MAT2B: variants seen among roughly 807,000 people sequenced by gnomAD.
MAT2B encodes the protein methionine adenosyltransferase 2 non-catalytic beta subunit.
MAT2B carries 16 observed loss-of-function variants against 36.1 expected under a neutral mutation model. The ratio of observed to expected loss-of-function variants is 0.44; its 90% confidence interval spans 0.30 to 0.67. MAT2B has a LOEUF of 0.67. Ranked by LOEUF, MAT2B falls within the 30% of genes least tolerant of loss-of-function variation. The pLI is 0.09. For missense variants in MAT2B, 332 were observed against 398.2 expected (o/e 0.83, Z 1.42); for synonymous variants, 148 against 136.9 (o/e 1.08, Z -0.57).
intron 5 of MAT2B, 116 bp from the exon 6 acceptor site, chr5:163,517,445 A>G: frequency 1.8e-6 from 1 of 553,158 alleles, no homozygotes; most frequent in Non-Finnish European, 3.3e-6. Context: ...CCTTTCCAGA[A>G]AAAGAGGGTT....
chr5:163,504,594 C>A (rs979208154), upstream of MAT2B, among the ~76,000 whole-genome samples: 2 of 152,192 alleles, frequency 1.3e-5, no homozygotes, highest in African/African-American at 2.4e-5. Flanking sequence ...TTAGAGCTTG[C>A]TATCCTGGGC....
chr5:163,506,896 A>G lies in MAT2B; in HGVS notation c.63+1147A>G, dbSNP rs17601374. On this transcript the variant is annotated intron_variant, in intron 1 of 6. Transcript: ENST00000321757. ...AGCTTGGCACAGACTTACTGCTCTC[A>G]AAACCTGTAGAATTAAAGCTTACTG... Among the ~76,000 whole-genome samples the G allele has an allele frequency of 4.1e-3, 626 of 152,282 alleles. 2 individuals carry two copies. Among genetic ancestry groups the G allele is most frequent in the Non-Finnish European group, 6.5e-3 (443 of 68,002 alleles).
intron 5 of MAT2B, chr5:163,517,326 GC>G (rs1760148582): frequency 3.7e-6 from 1 of 271,410 alleles, no homozygotes; most frequent in Non-Finnish European, 6.9e-6. Flanking sequence ...TAAAATTGGA[GC>G]CTTTTTTTGA....
At chr5:163,508,891 A>C (rs1759991757) in intron 1 of MAT2B, among the ~76,000 whole-genome samples, 1 of 152,234 alleles carries the variant, frequency 6.6e-6, no homozygotes, top group Non-Finnish European at 1.5e-5. Context: ...ACTGCACAAC[A>C]TTTTATTTGA....
intron 4 of MAT2B, among the ~76,000 whole-genome samples, chr5:163,515,776 T>TA (rs1760122463): frequency 4.7e-5 from 2 of 42,568 alleles, no homozygotes; most frequent in African/African-American, 4.3e-4. Context: ...TTTTCTTTTT[T>TA]TTTTTTTTTT....
chr5:163,503,490 GAACGCCTGCTAA>G, upstream of MAT2B: 1 of 1,427,624 alleles, frequency 7.0e-7, no homozygotes, highest in African/African-American at 1.4e-5. Context: ...GCATTCCAGT[GAACGCCTGCTAA>G]AACCAGAATT....
Position 163,505,756 on chromosome 5 carries a change from G to T in MAT2B, c.63+7G>T. On this transcript the variant is annotated splice_region_variant and intron_variant, in intron 1 of 6. Coordinates refer to ENST00000321757, the MANE Select transcript of MAT2B (RefSeq NM_013283.5). ...GAGCTGTCGGCTGGTGGAGGTGAGG[G>T]AGTCGGCCTGGGCGTCTCCGGTGGG... The T allele has an allele frequency of 7.9e-7, 1 of 1,270,682 alleles. No homozygotes were observed. The highest frequency in any genetic ancestry group is 1.0e-6 in the Non-Finnish European group (1 of 1,001,336). 78.7% of individuals were successfully genotyped at this position (1,270,682 alleles called of 1,614,324 possible). A position where few individuals can be genotyped will look rare whatever the true frequency, so the allele number is the denominator to read the frequency against.
chr5:163,513,797 T>C (rs768569660), intron 3 of MAT2B, 45 bp from the exon 4 acceptor site: 6 of 1,564,442 alleles, frequency 3.8e-6, no homozygotes, highest in Non-Finnish European at 5.2e-6. Context: ...CATGAAAGAG[T>C]AATGTCATGT....
chr5:163,503,528 T>C (rs1025080107), upstream of MAT2B: 184 of 1,043,438 alleles, frequency 1.8e-4, no homozygotes, highest in Non-Finnish European at 1.7e-4. Context: ...GTAAAGAAAA[T>C]AGAAACGGGT....
intron 2 of MAT2B, chr5:163,512,530 G>T: frequency 2.6e-6 from 1 of 383,352 alleles, no homozygotes; most frequent in Non-Finnish European, 4.9e-6. Flanking sequence ...GGCTGAGGGA[G>T]CAGGCTCAGA....
chr5:163,512,086 C>G lies in MAT2B; in HGVS notation c.148C>G (p.Gln50Glu), dbSNP rs148822569. 8 of 1,614,006 alleles carry G rather than the reference C, an allele frequency of 5.0e-6. No individual in the cohort carries two copies. The African/African-American group carries it at 1.1e-4, about 22-fold the overall frequency. ...CAGAGCTGTACACAAAGAATTTCAG[C>G]AGAATAATTGGCATGCAGTTGGCTG... ...LGRAVHKEFQ[Q>E]NNWHAVGCGF... is the part of the protein sequence containing the mutation. Residue 50 changes from glutamine to glutamate, a missense_variant, in exon 2 of 7, where the codon CAG becomes GAG. Physicochemically the swap from Gln to Glu is conservative, Grantham distance 29. Transcript: ENST00000321757.
intron 4 of MAT2B, among the ~76,000 whole-genome samples, chr5:163,514,611 T>TG (rs973378377): frequency 8.8e-6 from 1 of 113,296 alleles, no homozygotes; most frequent in African/African-American, 4.5e-5. Context: ...TTTCACAACC[T>TG]GTTTTTTTTC....
chr5:163,513,768 G>T (rs1760087820), intron 3 of MAT2B, 74 bp from the exon 4 acceptor site: 1 of 1,523,988 alleles, frequency 6.6e-7, no homozygotes, highest in African/African-American at 1.4e-5. Flanking sequence ...TATATATCAT[G>T]AAAAACCATT....
In MAT2B at chr5:163,505,634, C is replaced by A; in HGVS notation, c.-53C>A. ...CGTCTGAGCTGAGGCCCGCGTCGAT[C>A]CTGGGTTGGAGGAGGTGGCGGCCGC... is the stretch of plus-strand genomic sequence containing the variant. On this transcript the variant is annotated 5_prime_UTR_variant, in exon 1 of 7. Transcript: ENST00000321757. 1 of 1,254,828 alleles carries A rather than the reference C, an allele frequency of 8.0e-7. No homozygotes were observed. The allele number at this position is 1,254,828 out of a possible 1,614,324, so 77.7% of individuals were successfully genotyped here.
intron 4 of MAT2B, 23 bp downstream of exon 4, chr5:163,514,017 CCT>C (rs2113558827): frequency 6.3e-7 from 1 of 1,578,618 alleles, no homozygotes; most frequent in East Asian, 2.3e-5. Flanking sequence ...CTATTTAGCC[CCT>C]GATTGTTTTT....
At chr5:163,517,246 A>T (rs1760147285) in intron 5 of MAT2B, 1 of 200,308 alleles carries the variant, frequency 5.0e-6, no homozygotes, top group Non-Finnish European at 1.0e-5. Flanking sequence ...TGGGATAATT[A>T]AAAATACTCA....
At chr5:163,507,925 A>G (rs11955903) in intron 1 of MAT2B, among the ~76,000 whole-genome samples, 10,773 of 152,324 alleles carry the variant, frequency 0.071, 1,251 homozygotes, top group African/African-American at 0.24. Context: ...TGTTAGAAAT[A>G]TAGAACTTTA....
upstream of MAT2B, chr5:163,503,250 G>C (rs1759876273): frequency 4.4e-6 from 3 of 682,532 alleles, no homozygotes; most frequent in Non-Finnish European, 7.9e-6. Context: ...GAATCAAAAT[G>C]CTAATTTAAA....
At position 163,516,682 on chromosome 5, in the gene MAT2B, T is replaced by G; in HGVS notation, c.691T>G (p.Cys231Gly). ...ACATGTCAAAGATGTGGCCACTGTG[T>G]GCCGGCAGCTAGCAGAGAAGAGAAT... Reference protein sequence around the residue: ...PTHVKDVATVCRQLAEKRMLD... With the variant: ...PTHVKDVATVGRQLAEKRMLD... The change falls in exon 5 of 7, where the codon TGC (cysteine) becomes GGC (glycine). Residue 231 changes from cysteine to glycine, a missense_variant. Coordinates refer to ENST00000321757, the MANE Select transcript of MAT2B (RefSeq NM_013283.5). 2 of 1,614,198 alleles carry G rather than the reference T, an allele frequency of 1.2e-6. No individual in the cohort carries two copies. Among genetic ancestry groups the G allele is most frequent in the Non-Finnish European group, 1.7e-6 (2 of 1,180,036 alleles).
Sources: allele counts gnomAD v4.1 joint callset (sites outside exome capture counted in the v4.1 genomes callset), GRCh38; gene constraint gnomAD v4.1.1; transcripts MANE v1.5; gene names NCBI Gene and HGNC (gene_info 2026-07-23, HGNC 2026-07-21).